TAF1: variants seen among roughly 807,000 people sequenced by gnomAD.
The protein encoded by TAF1 is TATA-box binding protein associated factor 1, also known as transcription initiation factor TFIID subunit 1.
In TAF1, 2 loss-of-function variants were observed where a neutral mutation model predicts 138.5. That is an observed-to-expected ratio of 0.01 (90% CI 0.01 to 0.05). The LOEUF (loss-of-function observed/expected upper bound fraction) is 0.05, where lower values mean the gene tolerates loss of function less well. Ranked by LOEUF, TAF1 falls within the 10% of genes least tolerant of loss-of-function variation. The pLI is 1.00. For missense variants in TAF1, 709 were observed against 1,478.0 expected (o/e 0.48, Z 8.53); for synonymous variants, 437 against 503.2 (o/e 0.87, Z 1.76).
rs772126195 is a variant in TAF1 at position 71,463,937 on chromosome X, A to T, written c.5513A>T (p.Gln1838Leu). The change falls in exon 38 of 38, where the codon CAG becomes CTG. Residue 1838 changes from glutamine to leucine, a missense_variant. By Grantham distance (113) the Gln-to-Leu change is moderately radical. Around this residue, in one of 14 missense-constraint regions of TAF1, gnomAD observed 123 missense variants for 174.7 expected, o/e 0.70. Coordinates refer to ENST00000423759, the MANE Select transcript of TAF1 (RefSeq NM_004606.5). The stretch of plus-strand genomic sequence containing the variant: ...GAAGAAGATGAGGAGGAGGAAGAGC[A>T]GCGCTCTGGGCCGAGCGTACTAAGC... ...EEEEDEEEEE[Q>L]RSGPSVLSQV... The T allele has an allele frequency of 8.3e-7, 1 of 1,207,398 alleles. No homozygotes were observed. The highest frequency in any genetic ancestry group is 1.1e-6 in the Non-Finnish European group (1 of 893,039).
chrX:71,490,397 T>C (rs1469756320), intron 13 of TAF1, among the ~76,000 whole-genome samples: 1 of 112,216 alleles, frequency 8.9e-6, no homozygotes, highest in Non-Finnish European at 1.9e-5. Context: ...GTGACTATAT[T>C]TGAAGGATCC....
intron 14 of TAF1, among the ~76,000 whole-genome samples, chrX:71,529,365 C>G (rs753760198): frequency 2.4e-4 from 26 of 109,238 alleles, no homozygotes; most frequent in Non-Finnish European, 1.1e-4. Context: ...GCCACTGCAC[C>G]TGGCTGGTGC....
chrX:71,371,743 C>G (rs2033072117), intron 3 of TAF1, among the ~76,000 whole-genome samples: 1 of 111,388 alleles, frequency 9.0e-6, no homozygotes, highest in African/African-American at 3.3e-5. Flanking sequence ...ATTCAAATTC[C>G]AACTCCATAT....
At chrX:71,373,537 A>G (rs2033249217) in intron 3 of TAF1, among the ~76,000 whole-genome samples, 1 of 111,898 alleles carries the variant, frequency 8.9e-6, no homozygotes, top group Admixed American at 9.6e-5. Flanking sequence ...TGAAGGAGAC[A>G]GTGGACTAAA....
At chrX:71,436,214 A>ATTT (rs749919538) in intron 32 of TAF1, among the ~76,000 whole-genome samples, 8 of 84,280 alleles carry the variant, frequency 9.5e-5, no homozygotes, top group African/African-American at 3.2e-4. Flanking sequence ...AGCCCGGCTA[A>ATTT]TTTTTTTTTT....
chrX:71,505,521 T>C (rs1384790613), intron 13 of TAF1, among the ~76,000 whole-genome samples: 1 of 112,030 alleles, frequency 8.9e-6, no homozygotes, highest in Non-Finnish European at 1.9e-5. Flanking sequence ...AAATGCATAC[T>C]CCAGTTTAAT....
intron 14 of TAF1, 95 bp from the exon 15 acceptor site, chrX:71,387,166 A>G: frequency 1.1e-6 from 1 of 897,525 alleles, no homozygotes; most frequent in Non-Finnish European, 1.6e-6. Flanking sequence ...CGTAATTAAG[A>G]TGGAGAGCAA....
At chrX:71,412,329 A>G (rs910254788) in intron 28 of TAF1, among the ~76,000 whole-genome samples, 2 of 107,908 alleles carry the variant, frequency 1.9e-5, no homozygotes, top group African/African-American at 6.8e-5. Flanking sequence ...GAGTCTCACT[A>G]TGTTGCCCAG....
chrX:71,391,566 T>C (rs2034565516), intron 18 of TAF1, among the ~76,000 whole-genome samples: 1 of 110,221 alleles, frequency 9.1e-6, no homozygotes, highest in Admixed American at 9.7e-5. Flanking sequence ...AAAAGAATTC[T>C]GTTGAATGGC....
intron 13 of TAF1, among the ~76,000 whole-genome samples, chrX:71,511,969 T>C (rs937840481): frequency 2.5e-4 from 26 of 105,301 alleles, no homozygotes; most frequent in Non-Finnish European, 3.5e-4. Context: ...TGAGCTGAGA[T>C]GTGCCACCAC....
chrX:71,456,240 C>T (rs2038273941), intron 34 of TAF1, among the ~76,000 whole-genome samples: 1 of 111,766 alleles, frequency 8.9e-6, no homozygotes, highest in Non-Finnish European at 1.9e-5. Context: ...AGCCTTAGAC[C>T]CCAAAGTCAC....
chrX:71,392,877 T>C lies in TAF1; in HGVS notation c.2934T>C (p.Asp978=). ...TCACTTTTTTTTGTTTGAGGTAGGA[T>C]GATAAAGAACCGCAGCCAGTGAAGA... ...KIPNKPTQQK[D]DKEPQPVKKT... is the part of the protein sequence containing the mutation. Residue 978 remains aspartate (D), a splice_region_variant and synonymous_variant, in exon 20 of 38, where the codon GAT becomes GAC. Transcript: ENST00000423759. 8.3e-7 allele frequency: 1 copy of C among 1,210,666 alleles called. No homozygotes were observed. The highest frequency in any genetic ancestry group is 1.1e-6 in the Non-Finnish European group (1 of 895,176).
intron 13 of TAF1, among the ~76,000 whole-genome samples, chrX:71,520,487 C>A (rs1375244769): frequency 1.9e-5 from 2 of 103,397 alleles, no homozygotes; most frequent in Non-Finnish European, 2.0e-5. Context: ...TCAAGACCAG[C>A]CTGGCCAACA....
At chrX:71,500,781 G>A (rs750547780) in intron 13 of TAF1, among the ~76,000 whole-genome samples, 2 of 108,982 alleles carry the variant, frequency 1.8e-5, no homozygotes, top group South Asian at 4.0e-4. Context: ...TGCCCCAAAA[G>A]GCTGGGCGCG....
chrX:71,374,052 C>T (rs999741687), intron 3 of TAF1, among the ~76,000 whole-genome samples: 5 of 110,802 alleles, frequency 4.5e-5, no homozygotes, highest in Non-Finnish European at 7.6e-5. Context: ...CTCTTGGAAA[C>T]GCTTTCATAT....
At chrX:71,395,684 C>T (rs1435119925) in intron 22 of TAF1, among the ~76,000 whole-genome samples, 1 of 111,780 alleles carries the variant, frequency 8.9e-6, no homozygotes, top group Non-Finnish European at 1.9e-5. Flanking sequence ...TTTGTTTCCT[C>T]TTTTCTGTAA....
At position 71,460,794 on chromosome X, in the gene TAF1, G is replaced by A. The variant is rs1281342775; in HGVS notation, c.5390G>A (p.Ser1797Asn). The change falls in exon 37 of 38, where the codon AGC becomes AAC. Residue 1797 changes from serine (S) to asparagine (N), a missense_variant. Transcript: ENST00000423759. ...GAGGCTTCCCATGGTTTGGAGGATAGCAACATCAGGTAATCGACAGCAACA... is the reference window on the plus strand; with the variant it reads ...GAGGCTTCCCATGGTTTGGAGGATAACAACATCAGGTAATCGACAGCAACA... ...GGEASHGLED[S>N]NISYGSYEEP... 5 of 1,184,560 alleles carry A rather than the reference G, an allele frequency of 4.2e-6. No homozygotes were observed. In the African/African-American group the frequency reaches 7.1e-5, roughly 17 times the overall value.
At chrX:71,387,211 A>G in intron 14 of TAF1, 50 bp from the exon 15 acceptor site, 1 of 1,179,454 alleles carries the variant, frequency 8.5e-7, no homozygotes, top group Non-Finnish European at 1.1e-6. Context: ...AGTTGACTGA[A>G]TTTCCTAGGG....
In TAF1 at chrX:71,377,617, A is replaced by G. The variant is rs759622043; in HGVS notation, c.729A>G (p.Leu243=). ...EFRPGKVLRF[L]RLFGPGKNVP... ...CTGTGTTCTAGGTGTTACGTTTTCTACGTCTTTTTGGACCAGGGAAGAATG... is the reference window on the plus strand; with the variant it reads ...CTGTGTTCTAGGTGTTACGTTTTCTGCGTCTTTTTGGACCAGGGAAGAATG... The change falls in exon 6 of 38, where the codon CTA becomes CTG. Residue 243 remains leucine, a synonymous_variant. Transcript: ENST00000423759. The G allele has an allele frequency of 2.5e-6, 3 of 1,211,153 alleles. No homozygotes were observed. The highest frequency in any genetic ancestry group is 3.4e-6 in the Non-Finnish European group (3 of 895,417).
Sources: allele counts gnomAD v4.1 joint callset (sites outside exome capture counted in the v4.1 genomes callset), GRCh38; gene constraint gnomAD v4.1.1; regional missense constraint gnomAD v4.1.1; transcripts MANE v1.5; gene names NCBI Gene and HGNC (gene_info 2026-07-23, HGNC 2026-07-21).